WWOX: variants seen among roughly 807,000 people sequenced by gnomAD.
The protein encoded by WWOX is WW domain containing oxidoreductase.
Under a neutral mutation model 46.2 loss-of-function variants are expected in WWOX, and 69 were observed. That is an observed-to-expected ratio of 1.49 (90% CI 1.23 to 1.82). The LOEUF (loss-of-function observed/expected upper bound fraction) is 1.82. Ranked by LOEUF, WWOX falls within the 40% of genes most tolerant of loss-of-function variation. The pLI is 0.00. For synonymous variants in WWOX, 359 were observed against 202.6 expected, an observed-to-expected ratio of 1.77 and a Z score of -6.56; for missense variants, 919 against 542.6, an observed-to-expected ratio of 1.69 and a Z score of -6.89.
At chr16:78,557,451 A>G (rs554159679) in intron 8 of WWOX, among the ~76,000 whole-genome samples, 6 of 152,248 alleles carry the variant, frequency 3.9e-5, no homozygotes, top group African/African-American at 1.4e-4. Context: ...TGTTGGGGAT[A>G]CATCCAAAAA....
intron 8 of WWOX, among the ~76,000 whole-genome samples, chr16:78,804,198 G>T (rs1456651826): frequency 6.6e-6 from 1 of 152,096 alleles, no homozygotes; most frequent in Non-Finnish European, 1.5e-5. Context: ...CCCAGGAACT[G>T]CAGTCCCTCC....
chr16:78,724,384 T>A (rs1170968303), intron 8 of WWOX, among the ~76,000 whole-genome samples: 1 of 152,218 alleles, frequency 6.6e-6, no homozygotes, highest in Non-Finnish European at 1.5e-5. Context: ...ATATTTTTTT[T>A]CCTTCATTCC....
chr16:78,513,392 C>T (rs1001755336), intron 8 of WWOX, among the ~76,000 whole-genome samples: 2 of 152,086 alleles, frequency 1.3e-5, no homozygotes, highest in African/African-American at 4.8e-5. Flanking sequence ...ATAGGGTATC[C>T]ACTGCCCTGG....
At chr16:78,530,554 G>A (rs572014593) in intron 8 of WWOX, among the ~76,000 whole-genome samples, 5 of 152,134 alleles carry the variant, frequency 3.3e-5, no homozygotes, top group African/African-American at 1.2e-4. Context: ...ATGTGCCAGC[G>A]GAGCCTGGGG....
chr16:78,700,923 G>C (rs918943227), intron 8 of WWOX, among the ~76,000 whole-genome samples: 3 of 152,140 alleles, frequency 2.0e-5, no homozygotes, highest in African/African-American at 4.8e-5. Context: ...AAAAGGCAGA[G>C]GGCAAGAAAT....
rs147609577 is a variant in WWOX, at chr16:78,401,503, AC to A, written c.605+14557del. On this transcript the variant is annotated intron_variant, in intron 6 of 8. Coordinates refer to ENST00000566780, the MANE Select transcript of WWOX (RefSeq NM_016373.4). ...TTGATGAAACTCGCTGTATCTTGTAACCTGTATCCTGTCTTGGTATTGTGGG... is the reference window on the plus strand; with the variant it reads ...TTGATGAAACTCGCTGTATCTTGTAACTGTATCCTGTCTTGGTATTGTGGG... Among the ~76,000 whole-genome samples the A allele has an allele frequency of 9.7e-4, 148 of 152,244 alleles. 2 individuals are homozygous for A. In the East Asian group the frequency reaches 0.023, roughly 24 times the overall value.
At chr16:78,392,983 C>T (rs60040613) in intron 6 of WWOX, among the ~76,000 whole-genome samples, 23,862 of 152,040 alleles carry the variant, frequency 0.16, 2,315 homozygotes, top group East Asian at 0.38. Flanking sequence ...CGGTCGTCGG[C>T]CAGTGTGTCT....
At chr16:78,663,930 A>G (rs1198220401) in intron 8 of WWOX, among the ~76,000 whole-genome samples, 4 of 152,216 alleles carry the variant, frequency 2.6e-5, no homozygotes, top group Non-Finnish European at 5.9e-5. Flanking sequence ...AGACAACGCT[A>G]TCAAGAGGGG....
At chr16:78,313,129 C>T (rs1436114087) in intron 5 of WWOX, among the ~76,000 whole-genome samples, 1 of 152,152 alleles carries the variant, frequency 6.6e-6, no homozygotes, top group Non-Finnish European at 1.5e-5. Context: ...CCTGGGTGGC[C>T]AAAGTCAATG....
chr16:78,435,766 C>T (rs948865292), intron 8 of WWOX, among the ~76,000 whole-genome samples: 11 of 152,298 alleles, frequency 7.2e-5, no homozygotes, highest in African/African-American at 2.2e-4. Context: ...AGCTCTTACC[C>T]TTGACCACTG....
chr16:79,212,406 G>C lies in WWOX; in HGVS notation c.*610G>C. 2.4e-6 allele frequency: 1 copy of C among 421,714 alleles called. No individual in the cohort carries two copies. Among genetic ancestry groups the C allele is most frequent in the Non-Finnish European group, 4.2e-6 (1 of 237,476 alleles). 26.1% of individuals were successfully genotyped at this position (421,714 alleles called of 1,614,324 possible). A position where few individuals can be genotyped will look rare whatever the true frequency, so the allele number is the denominator to read the frequency against. ...ACCAGGTGGCAAAGTACTTGTCATA[G>C]ACTCCTTTGCTAATGCTATGCAAAA... On this transcript the variant is annotated 3_prime_UTR_variant, in exon 9 of 9. Coordinates refer to ENST00000566780, the MANE Select transcript of WWOX (RefSeq NM_016373.4).
intron 8 of WWOX, among the ~76,000 whole-genome samples, chr16:78,838,614 G>T (rs1223037407): frequency 6.6e-6 from 1 of 152,210 alleles, no homozygotes; most frequent in African/African-American, 2.4e-5. Flanking sequence ...GGCCAAGGCA[G>T]ATGGGTCACC....
Position 78,432,680 on chromosome 16 carries a change from C to G in WWOX, c.984C>G (p.Tyr328Ter). The G allele has an allele frequency of 6.2e-7, 1 of 1,614,222 alleles. No homozygotes were observed. The highest frequency in any genetic ancestry group is 8.5e-7 in the Non-Finnish European group (1 of 1,180,036). The change falls in exon 8 of 9, where the codon TAC becomes TAG. Residue 328 changes from tyrosine (Y) to a stop codon, truncating the protein, a stop_gained. Coordinates refer to ENST00000566780, the MANE Select transcript of WWOX (RefSeq NM_016373.4). LOFTEE classifies it high-confidence loss of function. ...CAGTGCATCCTGGAAATATGATGTA[C>G]TCCAACATTCATCGCAGCTGGTGGG... ...SNAVHPGNMM[Y>*]SNIHRSWWVY...
intron 8 of WWOX, among the ~76,000 whole-genome samples, chr16:79,108,049 T>C (rs1007948464): frequency 6.6e-6 from 1 of 152,250 alleles, no homozygotes; most frequent in African/African-American, 2.4e-5. Context: ...ATGCTGACAT[T>C]TACATTTTCT....
At chr16:78,845,564 C>G (rs1319867527) in intron 8 of WWOX, among the ~76,000 whole-genome samples, 1 of 152,156 alleles carries the variant, frequency 6.6e-6, no homozygotes, top group Non-Finnish European at 1.5e-5. Context: ...CAAGGGTTTT[C>G]CAATGCCATA....
In WWOX at chr16:78,547,127, GAAAAAAAAAA is replaced by G. The variant is rs199726097; in HGVS notation, c.1056+114398_1056+114407del. Among the ~76,000 whole-genome samples, 10 of 87,502 alleles carry G rather than the reference GAAAAAAAAAA, an allele frequency of 1.1e-4. 1 individual carries two copies. Among genetic ancestry groups the G allele is most frequent in the Admixed American group, 8.0e-4 (7 of 8,766 alleles). The allele number at this position is 87,502 out of a possible 152,430, so 57.4% of individuals were successfully genotyped here. A position where few individuals can be genotyped will look rare whatever the true frequency, so the allele number is the denominator to read the frequency against. ...TGGGAGAGTGTGAGACCTTGTCTCA[GAAAAAAAAAA>G]AAAAAAAAAAAAAAAAAAAAAACAA... On this transcript the variant is annotated intron_variant, in intron 8 of 8. Transcript: ENST00000566780.
intron 5 of WWOX, among the ~76,000 whole-genome samples, chr16:78,293,495 C>G (rs1432790971): frequency 6.6e-6 from 1 of 152,096 alleles, no homozygotes; most frequent in African/African-American, 2.4e-5. Context: ...TACGGTGGTT[C>G]TAAGCTCTAT....
Position 78,894,049 on chromosome 16 carries a change from T to TATTATTATA in WWOX, c.1057-317557_1057-317556insTATTATAAT, listed in dbSNP as rs879592229. Among the ~76,000 whole-genome samples the TATTATTATA allele has an allele frequency of 2.8e-4, 41 of 148,144 alleles. 1 individual carries two copies. The highest frequency in any genetic ancestry group is 1.7e-3 in the South Asian group (8 of 4,704). On this transcript the variant is annotated intron_variant, in intron 8 of 8. Transcript: ENST00000566780. ...TTATTATTATTATTATTATTATTAT[T>TATTATTATA]ATATTTTGAGACAGGGTCTTGCTTT...
chr16:78,360,470 A>G (rs542361590), intron 5 of WWOX, among the ~76,000 whole-genome samples: 3 of 151,810 alleles, frequency 2.0e-5, no homozygotes, highest in Non-Finnish European at 2.9e-5. Flanking sequence ...CTGTAATCCC[A>G]GATACTTGGG....
Sources: allele counts gnomAD v4.1 joint callset (sites outside exome capture counted in the v4.1 genomes callset), GRCh38; gene constraint gnomAD v4.1.1; transcripts MANE v1.5; gene names NCBI Gene and HGNC (gene_info 2026-07-23, HGNC 2026-07-21).